Variants in PRDM8 observed in about 807,000 individuals in gnomAD.
PRDM8 encodes the protein PR domain zinc finger protein 8.
Under a neutral mutation model 46.5 loss-of-function variants are expected in PRDM8, and 13 were observed. That is an observed-to-expected ratio of 0.28 (90% CI 0.18 to 0.44). The LOEUF is 0.44. PRDM8 is among the 20% of genes least tolerant of loss of function. The pLI is 1.00. For missense variants in PRDM8, 998 were observed against 955.0 expected, an observed-to-expected ratio of 1.04 and a Z score of -0.59; for synonymous variants, 473 against 438.4, an observed-to-expected ratio of 1.08 and a Z score of -0.98.
chr4:80,202,596 G>C lies in PRDM8; in HGVS notation c.1134G>C (p.Thr378=), dbSNP rs944679589. Residue 378 remains threonine (T), a synonymous_variant, in exon 4 of 4, where the codon ACG becomes ACC. Transcript: ENST00000415738. ...GRLFAPPSPE[T]GEAKRSAFVE... ...TCTTCGCGCCGCCAAGTCCCGAGAC[G>C]GGCGAGGCGAAGCGCAGCGCCTTCG... is the stretch of plus-strand genomic sequence containing the variant. The C allele has an allele frequency of 1.3e-6, 2 of 1,532,966 alleles. No individual in the cohort carries two copies. The highest frequency in any genetic ancestry group is 1.7e-6 in the Non-Finnish European group (2 of 1,145,814). The allele number at this position is 1,532,966 out of a possible 1,614,324, so 95.0% of individuals were successfully genotyped here.
Position 80,197,604 on chromosome 4 carries a change from A to ATC in PRDM8, c.-154_-153dup. 1.1e-6 allele frequency: 1 copy of ATC among 922,708 alleles called. No individual in the cohort carries two copies. 57.2% of individuals were successfully genotyped at this position (922,708 alleles called of 1,614,324 possible). On this transcript the variant is annotated 5_prime_UTR_variant, in exon 1 of 4. Coordinates refer to ENST00000415738, the MANE Select transcript of PRDM8 (RefSeq NM_001099403.2). ...CCAATCTTTTTCTCCCCATCTCTCC[A>ATC]TCTCTCTCTTATCTCTTCAGGAAGA...
upstream of PRDM8, chr4:80,196,858 TC>T: frequency 1.0e-6 from 1 of 962,328 alleles, no homozygotes; most frequent in African/African-American, 1.8e-5. Context: ...TACCGTTATG[TC>T]CCCTTCCGAG....
chr4:80,185,309 C>T (rs947618544), exon 1 of PRDM8: 16 of 152,236 alleles, frequency 1.1e-4, no homozygotes, highest in African/African-American at 3.9e-4. Context: ...ATCCCTTACA[C>T]GAGCAAATGC....
chr4:80,194,323 C>A, upstream of PRDM8: 1 of 620,638 alleles, frequency 1.6e-6, no homozygotes, highest in Non-Finnish European at 2.0e-6. Flanking sequence ...CAAATATATG[C>A]ATAAACCCAT....
intron 1 of PRDM8, among the ~76,000 whole-genome samples, chr4:80,187,723 G>A (rs1053840217): frequency 6.6e-6 from 1 of 152,150 alleles, no homozygotes; most frequent in African/African-American, 2.4e-5. Context: ...GCAGGGGGAT[G>A]CAACCTCCTG....
At chr4:80,196,309 T>C, upstream of PRDM8, 1 of 984,914 alleles carries the variant, frequency 1.0e-6, no homozygotes, top group Non-Finnish European at 1.2e-6. Flanking sequence ...GCTGAAGGAG[T>C]TGAGAAACTG....
upstream of PRDM8, chr4:80,196,874 G>A (rs1738001290): frequency 1.2e-5 from 12 of 977,142 alleles, no homozygotes; most frequent in South Asian, 4.7e-5. Flanking sequence ...TCCGAGGTCT[G>A]GTGACATTCT....
At chr4:80,189,173 C>T (rs1737352091) in intron 1 of PRDM8, among the ~76,000 whole-genome samples, 1 of 152,220 alleles carries the variant, frequency 6.6e-6, no homozygotes, top group South Asian at 2.1e-4. Flanking sequence ...CAGACCTCGG[C>T]TTTTGGCCGC....
At chr4:80,197,911 C>A in intron 1 of PRDM8, 148 bp downstream of exon 1, 1 of 797,976 alleles carries the variant, frequency 1.3e-6, no homozygotes, top group Non-Finnish European at 1.5e-6. Context: ...TAATATTGTA[C>A]AAAAGGAGGA....
In PRDM8 at chr4:80,202,751, C is replaced by G; in HGVS notation, c.1289C>G (p.Pro430Arg). 1 of 1,281,814 alleles carries G rather than the reference C, an allele frequency of 7.8e-7. No individual in the cohort carries two copies. The highest frequency in any genetic ancestry group is 9.8e-7 in the Non-Finnish European group (1 of 1,019,478). 79.4% of individuals were successfully genotyped at this position (1,281,814 alleles called of 1,614,324 possible). A position where few individuals can be genotyped will look rare whatever the true frequency, so the allele number is the denominator to read the frequency against. ...GGSSTPAAAS[P>R]VGAEKLLAPR... ...TCCTCCACGCCCGCGGCCGCGTCAC[C>G]GGTGGGCGCCGAGAAGCTGCTGGCC... is the stretch of plus-strand genomic sequence containing the variant. Residue 430 changes from proline (P) to arginine (R), a missense_variant, in exon 4 of 4, where the codon CCG (proline) becomes CGG (arginine). Transcript: ENST00000415738.
upstream of PRDM8, chr4:80,196,605 A>C: frequency 1.0e-6 from 1 of 985,270 alleles, no homozygotes; most frequent in Non-Finnish European, 1.2e-6. Flanking sequence ...CATCTTGGTA[A>C]TCATTTTTAT....
Position 80,187,244 on chromosome 4 carries a change from T to TGC in PRDM8, c.-983+1727_-983+1728insCG, listed in dbSNP as rs60061648. Among the ~76,000 whole-genome samples the TGC allele has an allele frequency of 5.1e-4, 46 of 89,858 alleles. 1 individual carries two copies. Among genetic ancestry groups the TGC allele is most frequent in the African/African-American group, 6.5e-4 (15 of 22,998 alleles). The allele number at this position is 89,858 out of a possible 152,430, so 59.0% of individuals were successfully genotyped here. ...GTTGCTGTATCAGCATTCTCTGCCC[T>TGC]GGGGCGGGGGGAAGCAGAAGAATAT... On this transcript the variant is annotated intron_variant, in intron 1 of 9. Transcript: ENST00000339711.
chr4:80,202,364 G>A lies in PRDM8; in HGVS notation c.902G>A (p.Ser301Asn). 1 of 1,595,490 alleles carries A rather than the reference G, an allele frequency of 6.3e-7. No homozygotes were observed. The highest frequency in any genetic ancestry group is 8.5e-7 in the Non-Finnish European group (1 of 1,171,256). The stretch of plus-strand genomic sequence containing the variant: ...GGCGGCCACCAGGAGGCGGAGCTGA[G>A]TCCCGACGGCATCGCCACGGGCGGC... ...GGGGHQEAEL[S>N]PDGIATGGGK... The change falls in exon 4 of 4, where the codon AGT becomes AAT. Residue 301 changes from serine to asparagine, a missense_variant. Ser to Asn is a conservative substitution (Grantham distance 46). Coordinates refer to ENST00000415738, the MANE Select transcript of PRDM8 (RefSeq NM_001099403.2).
At position 80,189,949 on chromosome 4, in the gene PRDM8, C is replaced by A. The variant is rs549748141; in HGVS notation, c.-982-1523C>A. On this transcript the variant is annotated intron_variant, in intron 1 of 9. Coordinates refer to the PRDM8 transcript ENST00000339711. ...ACTAGCCCTGGCTCTTGGAAGTGAT[C>A]CCTTACCATCTGCTCAGCAACTGGC... 2.0e-5 allele frequency: 3 copies of A among 152,350 alleles called. No individual in the cohort carries two copies. In the South Asian group the frequency reaches 6.2e-4, roughly 32 times the overall value. 9.4% of individuals were successfully genotyped at this position (152,350 alleles called of 1,614,324 possible).
chr4:80,187,670 G>A (rs1313517611), intron 1 of PRDM8, among the ~76,000 whole-genome samples: 1 of 152,118 alleles, frequency 6.6e-6, no homozygotes, highest in Admixed American at 6.5e-5. Flanking sequence ...CTTGAGTCAG[G>A]TTTGCTCCGC....
upstream of PRDM8, chr4:80,196,372 A>G (rs2292846): frequency 0.017 from 16,640 of 985,472 alleles, 262 homozygotes; most frequent in East Asian, 0.11. Context: ...TTGAACTGTG[A>G]AAAAGAAGCC....
At chr4:80,198,159 C>CTCT (rs923312562) in intron 1 of PRDM8, among the ~76,000 whole-genome samples, 1 of 152,234 alleles carries the variant, frequency 6.6e-6, no homozygotes, top group Non-Finnish European at 1.5e-5. Context: ...CGCTCCTAGG[C>CTCT]TCTTGCCCAG....
chr4:80,190,401 C>G (rs563727915), intron 1 of PRDM8, among the ~76,000 whole-genome samples: 1 of 152,378 alleles, frequency 6.6e-6, no homozygotes, highest in South Asian at 2.1e-4. Context: ...TGGCCCCACA[C>G]TGCCCCACAT....
chr4:80,201,840 T>C, intron 3 of PRDM8, 74 bp from the exon 4 acceptor site: 1 of 1,594,532 alleles, frequency 6.3e-7, no homozygotes, highest in Non-Finnish European at 8.6e-7. Flanking sequence ...GGGGCGATGC[T>C]GAGTAATCAT....
Sources: allele counts gnomAD v4.1 joint callset (sites outside exome capture counted in the v4.1 genomes callset), GRCh38; gene constraint gnomAD v4.1.1; transcripts MANE v1.5; gene names NCBI Gene and HGNC (gene_info 2026-07-23, HGNC 2026-07-21).